Variants in AGBL1 observed in about 807,000 individuals in gnomAD.
AGBL1 encodes the protein AGBL carboxypeptidase 1, also known as cytosolic carboxypeptidase 4.
A neutral mutation model predicts 118.9 loss-of-function variants in AGBL1; 130 were observed. The observed-to-expected ratio is 1.09, with a 90% CI of 0.95 to 1.26. AGBL1 has a LOEUF of 1.26. Ranked by LOEUF, AGBL1 falls within the 50% of genes most tolerant of loss-of-function variation. The pLI is 0.00. For synonymous variants in AGBL1, 555 were observed against 478.9 expected, an observed-to-expected ratio of 1.16 and a Z score of -2.08; for missense variants, 1,584 against 1,298.1, an observed-to-expected ratio of 1.22 and a Z score of -3.38.
At chr15:86,992,591 C>A (rs889954472) in intron 24 of AGBL1, among the ~76,000 whole-genome samples, 1 of 152,126 alleles carries the variant, frequency 6.6e-6, no homozygotes, top group Non-Finnish European at 1.5e-5. Flanking sequence ...CTGCACTTAG[C>A]GGAAGTGTCA....
chr15:86,257,716 C>G (rs2078919107), intron 8 of AGBL1, among the ~76,000 whole-genome samples: 1 of 152,120 alleles, frequency 6.6e-6, no homozygotes, highest in Non-Finnish European at 1.5e-5. Flanking sequence ...GTCATTTTTT[C>G]TGCACTTATT....
chr15:86,799,962 G>A (rs891991819), intron 22 of AGBL1, among the ~76,000 whole-genome samples: 1 of 152,084 alleles, frequency 6.6e-6, no homozygotes, highest in Non-Finnish European at 1.5e-5. Context: ...ATAAAATGCA[G>A]CTTAATACAT....
At chr15:86,823,305 G>A (rs2078966534) in intron 22 of AGBL1, among the ~76,000 whole-genome samples, 5 of 152,140 alleles carry the variant, frequency 3.3e-5, no homozygotes, top group Admixed American at 6.6e-5. Context: ...GACATTGGAC[G>A]AATATGTCTG....
intron 22 of AGBL1, among the ~76,000 whole-genome samples, chr15:86,735,122 C>T (rs1239548083): frequency 3.9e-5 from 6 of 152,080 alleles, no homozygotes; most frequent in African/African-American, 4.8e-5. Flanking sequence ...ACTCTTGTCA[C>T]GTAGGCTGGA....
chr15:86,630,470 G>A (rs554316577), intron 21 of AGBL1: 4 of 152,344 alleles, frequency 2.6e-5, no homozygotes, highest in South Asian at 2.1e-4. Flanking sequence ...GGCAATAAGT[G>A]CTAAGATGCA....
intron 21 of AGBL1, among the ~76,000 whole-genome samples, chr15:86,569,509 A>T (rs1176218356): frequency 2.0e-5 from 3 of 151,630 alleles, no homozygotes; most frequent in African/African-American, 7.3e-5. Context: ...TTCCTTATTA[A>T]CTGCAATTCA....
chr15:86,478,834 A>G (rs547828795), intron 18 of AGBL1, among the ~76,000 whole-genome samples: 18 of 152,356 alleles, frequency 1.2e-4, no homozygotes, highest in African/African-American at 2.9e-4. Context: ...TTCAAACTCT[A>G]CTACAAGGCT....
At chr15:86,768,969 T>C (rs1047293878) in intron 22 of AGBL1, among the ~76,000 whole-genome samples, 2 of 151,960 alleles carry the variant, frequency 1.3e-5, no homozygotes, top group African/African-American at 4.8e-5. Context: ...TTAACCTACT[T>C]GCTAGATAAC....
chr15:86,294,773 A>G (rs1472243712), intron 16 of AGBL1, among the ~76,000 whole-genome samples: 1 of 152,040 alleles, frequency 6.6e-6, no homozygotes, highest in Non-Finnish European at 1.5e-5. Flanking sequence ...TATTTGTACA[A>G]ATTTATGGGT....
intron 18 of AGBL1, among the ~76,000 whole-genome samples, chr15:86,409,217 C>T (rs1205158864): frequency 6.6e-6 from 1 of 152,130 alleles, no homozygotes; most frequent in Non-Finnish European, 1.5e-5. Context: ...GTGCAACCGT[C>T]CAAACCTCTG....
chr15:86,983,475 C>G (rs10520645), intron 23 of AGBL1, among the ~76,000 whole-genome samples: 10,451 of 152,224 alleles, frequency 0.069, 500 homozygotes, highest in East Asian at 0.24. Flanking sequence ...AGCAATACCC[C>G]TGAAGGTCTT....
chr15:86,986,504 A>G (rs982131739), intron 23 of AGBL1, among the ~76,000 whole-genome samples: 1 of 151,874 alleles, frequency 6.6e-6, no homozygotes, highest in African/African-American at 2.4e-5. Flanking sequence ...CATATAATAT[A>G]CATCTTATAA....
At chr15:86,243,057 G>GT (rs1172544233) in intron 6 of AGBL1, among the ~76,000 whole-genome samples, 1 of 152,248 alleles carries the variant, frequency 6.6e-6, no homozygotes, top group Admixed American at 6.5e-5. Context: ...ATGTCAACCT[G>GT]TGGACTGCTT....
chr15:86,602,468 C>T (rs569011622), intron 21 of AGBL1, among the ~76,000 whole-genome samples: 65 of 152,274 alleles, frequency 4.3e-4, no homozygotes, highest in African/African-American at 1.5e-3. Context: ...AATAGAGTCA[C>T]AAAATATACA....
At chr15:86,252,144 T>C (rs1661444267) in intron 7 of AGBL1, among the ~76,000 whole-genome samples, 1 of 152,228 alleles carries the variant, frequency 6.6e-6, no homozygotes, top group Admixed American at 6.5e-5. Flanking sequence ...CTGATGCTAC[T>C]GGTCTGGGTA....
At chr15:86,347,749 CAA>C (rs1454359657) in intron 17 of AGBL1, among the ~76,000 whole-genome samples, 13 of 152,170 alleles carry the variant, frequency 8.5e-5, no homozygotes, top group Admixed American at 8.5e-4. Context: ...CCACAACTGA[CAA>C]GAGTTCATTC....
chr15:86,416,574 A>T (rs771432675), intron 18 of AGBL1, among the ~76,000 whole-genome samples: 21 of 141,792 alleles, frequency 1.5e-4, no homozygotes, highest in African/African-American at 2.8e-4. Flanking sequence ...CTTTTTTATA[A>T]AAAAAAAATG....
At chr15:86,619,169 C>A (rs138655077) in intron 21 of AGBL1, among the ~76,000 whole-genome samples, 1 of 151,854 alleles carries the variant, frequency 6.6e-6, no homozygotes, top group Admixed American at 6.6e-5. Context: ...ATACTAGGCC[C>A]GAGAGATACT....
intron 24 of AGBL1, among the ~76,000 whole-genome samples, chr15:86,994,546 T>C (rs563576465): frequency 1.3e-5 from 2 of 152,198 alleles, no homozygotes; most frequent in African/African-American, 2.4e-5. Flanking sequence ...TCTTGGAAAA[T>C]AGGTTAATGA....
Sources: allele counts gnomAD v4.1 joint callset (sites outside exome capture counted in the v4.1 genomes callset), GRCh38; gene constraint gnomAD v4.1.1; transcripts MANE v1.5; gene names NCBI Gene and HGNC (gene_info 2026-07-23, HGNC 2026-07-21).